The following PBX3 variants were observed in gnomAD, a reference collection of about 807,000 sequenced individuals.
The protein encoded by PBX3 is pre-B-cell leukemia transcription factor 3.
In PBX3, 14 loss-of-function variants were observed where a neutral mutation model predicts 48.5. That is an observed-to-expected ratio of 0.29 (90% CI 0.19 to 0.45). The LOEUF (loss-of-function observed/expected upper bound fraction) is 0.45, where lower values mean the gene tolerates loss of function less well. Ranked by LOEUF, PBX3 falls within the 20% of genes least tolerant of loss-of-function variation. The pLI is 1.00. For synonymous variants in PBX3, 210 were observed against 200.3 expected (o/e 1.05, Z -0.41); for missense variants, 386 against 546.7 (o/e 0.71, Z 2.93).
intron 4 of PBX3, among the ~76,000 whole-genome samples, chr9:125,930,089 A>G (rs1271985483): frequency 6.6e-6 from 1 of 152,186 alleles, no homozygotes. Context: ...TCTGCTAATG[A>G]CTTTAGGAAT....
At chr9:125,844,426 T>C (rs1459372402) in intron 2 of PBX3, 1 of 152,122 alleles carries the variant, frequency 6.6e-6, no homozygotes, top group East Asian at 1.9e-4. Context: ...CTATATAAAA[T>C]GTCAAAATAT....
chr9:125,755,519 C>T (rs989048668), intron 2 of PBX3, among the ~76,000 whole-genome samples: 11 of 151,980 alleles, frequency 7.2e-5, no homozygotes, highest in Non-Finnish European at 1.2e-4. Context: ...TATTGTGAGC[C>T]TGGAGCAGAT....
At chr9:125,811,961 G>A (rs1354562011) in intron 2 of PBX3, among the ~76,000 whole-genome samples, 2 of 152,170 alleles carry the variant, frequency 1.3e-5, no homozygotes, top group Non-Finnish European at 2.9e-5. Flanking sequence ...ATTAGGTTAT[G>A]AGGGCTTCAC....
At chr9:125,928,388 AC>A (rs1160310527) in intron 3 of PBX3, among the ~76,000 whole-genome samples, 1 of 130,150 alleles carries the variant, frequency 7.7e-6, no homozygotes, top group Non-Finnish European at 1.5e-5. Flanking sequence ...ATTAGGGGAA[AC>A]AAATGTGTGT....
At position 125,747,500 on chromosome 9, in the gene PBX3, T is replaced by C. The variant is rs1331800511; in HGVS notation, c.47T>C (p.Leu16Pro). Residue 16 changes from leucine (L) to proline (P), a missense_variant, in exon 1 of 9, where the codon CTG becomes CCG. Leu to Pro is a moderately conservative substitution (Grantham distance 98). Transcript: ENST00000373489. ...CTGCAGACTCTGGCCGGGGTGAACCTGGCTGGCCACTCGGTGCAGGGGGGC... is the reference window on the plus strand; with the variant it reads ...CTGCAGACTCTGGCCGGGGTGAACCCGGCTGGCCACTCGGTGCAGGGGGGC... ...RMLQTLAGVNLAGHSVQGGMA... is the reference protein window; with the variant it reads ...RMLQTLAGVNPAGHSVQGGMA... 3 of 1,586,920 alleles carry C rather than the reference T, an allele frequency of 1.9e-6. No homozygotes were observed. In the African/African-American group the frequency reaches 4.2e-5, roughly 22 times the overall value.
intron 2 of PBX3, among the ~76,000 whole-genome samples, chr9:125,884,393 G>A (rs1840450795): frequency 6.6e-6 from 1 of 152,164 alleles, no homozygotes; most frequent in Non-Finnish European, 1.5e-5. Flanking sequence ...AGAAACAGGA[G>A]CTTTTATGCA....
intron 2 of PBX3, among the ~76,000 whole-genome samples, chr9:125,780,766 G>A (rs1837263451): frequency 2.3e-5 from 3 of 130,956 alleles, no homozygotes; most frequent in Non-Finnish European, 5.1e-5. Flanking sequence ...GGCTGGCCGG[G>A]CGGGGGGCTG....
intron 2 of PBX3, among the ~76,000 whole-genome samples, chr9:125,782,919 CCT>C (rs1554854438): frequency 1.3e-4 from 19 of 151,970 alleles, no homozygotes; most frequent in Non-Finnish European, 4.4e-5. Context: ...TAAGAATTTC[CCT>C]GTTAATCCTT....
chr9:125,948,036 A>G (rs1054975015), intron 5 of PBX3, among the ~76,000 whole-genome samples: 1 of 152,228 alleles, frequency 6.6e-6, no homozygotes, highest in Admixed American at 6.5e-5. Context: ...TGCTTCTTAA[A>G]CTGTAGCATA....
At chr9:125,948,651 G>A (rs536524772) in intron 5 of PBX3, among the ~76,000 whole-genome samples, 1 of 151,938 alleles carries the variant, frequency 6.6e-6, no homozygotes, top group Non-Finnish European at 1.5e-5. Flanking sequence ...TGTGTATGTG[G>A]TATGTGTATG....
chr9:125,785,124 G>T (rs1837425445), intron 2 of PBX3, among the ~76,000 whole-genome samples: 1 of 152,186 alleles, frequency 6.6e-6, no homozygotes, highest in African/African-American at 2.4e-5. Context: ...TCTGCCCTGA[G>T]TGAGATCTGA....
chr9:125,943,352 C>CAAAAAAAAAAAAAAAAAAA lies in PBX3; in HGVS notation c.843+7774_843+7792dup, dbSNP rs60326557. On this transcript the variant is annotated intron_variant, in intron 5 of 8. Coordinates refer to ENST00000373489, the MANE Select transcript of PBX3 (RefSeq NM_006195.6). ...CTTGGGCTGCAGAGTGAGACTGTCT[C>CAAAAAAAAAAAAAAAAAAA]AAAAAAAAAAAAAAAAAAAAAAAAA... Among the ~76,000 whole-genome samples the CAAAAAAAAAAAAAAAAAAA allele has an allele frequency of 8.2e-5, 5 of 60,876 alleles. 1 individual carries two copies. Among genetic ancestry groups the CAAAAAAAAAAAAAAAAAAA allele is most frequent in the Non-Finnish European group, 1.6e-4 (5 of 31,360 alleles). 39.9% of individuals were successfully genotyped at this position (60,876 alleles called of 152,430 possible). A position where few individuals can be genotyped will look rare whatever the true frequency, so the allele number is the denominator to read the frequency against.
intron 2 of PBX3, among the ~76,000 whole-genome samples, chr9:125,819,104 G>C (rs1213978970): frequency 1.3e-5 from 2 of 151,830 alleles, no homozygotes; most frequent in Non-Finnish European, 2.9e-5. Flanking sequence ...CCAAAGTGCT[G>C]GGATTACAGG....
intron 2 of PBX3, among the ~76,000 whole-genome samples, chr9:125,846,826 A>T (rs1209453321): frequency 6.6e-6 from 1 of 152,052 alleles, no homozygotes; most frequent in Non-Finnish European, 1.5e-5. Context: ...GTTTGAACAG[A>T]ATGCAGGTAA....
At chr9:125,801,999 G>T (rs1357940829) in intron 2 of PBX3, among the ~76,000 whole-genome samples, 1 of 152,150 alleles carries the variant, frequency 6.6e-6, no homozygotes, top group South Asian at 2.1e-4. Context: ...GATCACTTGA[G>T]CCTGGGTGAG....
intron 2 of PBX3, among the ~76,000 whole-genome samples, chr9:125,888,283 C>T (rs542468077): frequency 1.3e-5 from 2 of 152,208 alleles, no homozygotes; most frequent in African/African-American, 2.4e-5. Context: ...TCTCTTCTGT[C>T]GTGTAGTGTA....
intron 5 of PBX3, among the ~76,000 whole-genome samples, chr9:125,938,066 A>T (rs1384844184): frequency 6.6e-6 from 1 of 152,250 alleles, no homozygotes; most frequent in Non-Finnish European, 1.5e-5. Context: ...AACTTTAAAA[A>T]TATTGAAGCC....
intron 8 of PBX3, 75 bp from the exon 9 acceptor site, chr9:125,965,756 C>A: frequency 1.8e-6 from 2 of 1,088,610 alleles, no homozygotes; most frequent in Non-Finnish European, 2.8e-6. Context: ...CTCATGTTGT[C>A]ATCCGGGTGT....
intron 2 of PBX3, among the ~76,000 whole-genome samples, chr9:125,883,033 A>G (rs1673896790): frequency 6.6e-6 from 1 of 152,244 alleles, no homozygotes; most frequent in African/African-American, 2.4e-5. Context: ...AATTTGCTGC[A>G]GAAGGAACTA....
Sources: allele counts gnomAD v4.1 joint callset (sites outside exome capture counted in the v4.1 genomes callset), GRCh38; gene constraint gnomAD v4.1.1; transcripts MANE v1.5; gene names NCBI Gene and HGNC (gene_info 2026-07-23, HGNC 2026-07-21).